The following FRMD4B variants were observed in gnomAD, a reference collection of about 807,000 sequenced individuals.
The protein encoded by FRMD4B is FERM domain-containing protein 4B.
Under a neutral mutation model 141.5 loss-of-function variants are expected in FRMD4B, and 74 were observed. The observed-to-expected ratio is 0.52, with a 90% CI of 0.43 to 0.63. FRMD4B has a LOEUF of 0.63. Among genes scored for constraint, FRMD4B ranks in the 30% least tolerant of loss-of-function variants. FRMD4B has a pLI of 0.00. For synonymous variants in FRMD4B, 506 were observed against 467.9 expected, an observed-to-expected ratio of 1.08 and a Z score of -1.05; for missense variants, 1,366 against 1,253.4, an observed-to-expected ratio of 1.09 and a Z score of -1.36.
intron 5 of FRMD4B, among the ~76,000 whole-genome samples, chr3:69,278,560 G>A (rs1317759532): frequency 1.3e-5 from 2 of 151,502 alleles, no homozygotes; most frequent in African/African-American, 4.8e-5. Context: ...GCCTCCCAAA[G>A]TGTTGCGATT....
At chr3:69,366,314 T>A (rs921669152) in intron 1 of FRMD4B, among the ~76,000 whole-genome samples, 8 of 151,892 alleles carry the variant, frequency 5.3e-5, no homozygotes, top group African/African-American at 1.9e-4. Context: ...TTAATGTCCA[T>A]CAATAGGAGA....
At chr3:69,385,629 C>T (rs1485981747) in intron 1 of FRMD4B, among the ~76,000 whole-genome samples, 199 bp downstream of exon 1, 1 of 152,178 alleles carries the variant, frequency 6.6e-6, no homozygotes, top group Non-Finnish European at 1.5e-5. Flanking sequence ...GCAAGTGCCC[C>T]CCATGCCCGA....
Position 69,266,048 on chromosome 3 carries a change from T to G in FRMD4B, c.502-15949A>C, listed in dbSNP as rs115908234. Among the ~76,000 whole-genome samples the G allele has an allele frequency of 8.1e-3, 1,223 of 151,640 alleles. 12 individuals are homozygous for G. The highest frequency in any genetic ancestry group is 0.027 in the African/African-American group (1,131 of 41,322). On this transcript the variant is annotated intron_variant, in intron 5 of 22. Coordinates refer to ENST00000398540, the MANE Select transcript of FRMD4B (RefSeq NM_015123.3). ...CCTCTTGCTACAAAAAAAAAAAACT[T>G]TAAATTATCCAGATGTGATGGCATG...
intron 1 of FRMD4B, among the ~76,000 whole-genome samples, chr3:69,438,042 ATAC>A (rs1263896988): frequency 2.8e-5 from 4 of 145,080 alleles, no homozygotes; most frequent in Non-Finnish European, 4.5e-5. Context: ...GTAACTATAT[ATAC>A]TACTATATGA....
In FRMD4B at chr3:69,265,270, ATATATAT is replaced by A. The variant is rs1261277966; in HGVS notation, c.502-15178_502-15172del. Reference sequence around the variant, plus strand: ...ACTCCATCTCAAAAAAAAAAAAAAAATATATATATATATATATATATATATATATATA... The same window carrying A: ...ACTCCATCTCAAAAAAAAAAAAAAAAATATATATATATATATATATATATA... On this transcript the variant is annotated intron_variant, in intron 5 of 22. Coordinates refer to ENST00000398540, the MANE Select transcript of FRMD4B (RefSeq NM_015123.3). 1.2e-3 allele frequency among the ~76,000 whole-genome samples: 24 copies of A among 20,230 alleles called. 2 individuals carry two copies. Among genetic ancestry groups the A allele is most frequent in the African/African-American group, 1.9e-3 (10 of 5,182 alleles). 13.3% of individuals were successfully genotyped at this position (20,230 alleles called of 152,430 possible).
chr3:69,263,910 C>G (rs1361637059), intron 5 of FRMD4B, among the ~76,000 whole-genome samples: 1 of 143,950 alleles, frequency 6.9e-6, no homozygotes. Flanking sequence ...GCTGCAACCT[C>G]TGCCTCCTAG....
chr3:69,308,950 A>C (rs1366111919), intron 3 of FRMD4B, among the ~76,000 whole-genome samples: 1 of 152,070 alleles, frequency 6.6e-6, no homozygotes, highest in Non-Finnish European at 1.5e-5. Context: ...TATGTTCTTC[A>C]ATGCACTTAT....
At chr3:69,332,712 G>A (rs1375599463) in intron 1 of FRMD4B, among the ~76,000 whole-genome samples, 4 of 150,540 alleles carry the variant, frequency 2.7e-5, no homozygotes, top group African/African-American at 7.4e-5. Context: ...GAGTAGCTAG[G>A]ACTACAGGTG....
intron 1 of FRMD4B, among the ~76,000 whole-genome samples, chr3:69,357,546 T>C (rs1263093688): frequency 6.6e-5 from 10 of 152,220 alleles, no homozygotes; most frequent in Admixed American, 2.6e-4. Flanking sequence ...GAGGGTTTTA[T>C]TGACTGTGAG....
At chr3:69,325,085 A>AAAGAAAGAAAGAAAGAAAGAAAGGAAG (rs10667404) in intron 1 of FRMD4B, among the ~76,000 whole-genome samples, 1 of 79,996 alleles carries the variant, frequency 1.3e-5, no homozygotes, top group African/African-American at 4.7e-5. Context: ...TAAAAAAAAA[A>AAAGAAAGAAAGAAAGAAAGAAAGGAAG]AAAGAAAGAA....
chr3:69,485,771 C>T (rs1706204787), intron 1 of FRMD4B, among the ~76,000 whole-genome samples: 1 of 152,216 alleles, frequency 6.6e-6, no homozygotes, highest in South Asian at 2.1e-4. Context: ...CAGAGCTCCC[C>T]TTCACCTGGT....
At chr3:69,318,782 A>T (rs2107268721) in intron 1 of FRMD4B, among the ~76,000 whole-genome samples, 1 of 152,362 alleles carries the variant, frequency 6.6e-6, no homozygotes, top group African/African-American at 2.4e-5. Context: ...CCACATAATT[A>T]AAAAATCCAG....
intron 1 of FRMD4B, among the ~76,000 whole-genome samples, chr3:69,346,180 T>A (rs1431454442): frequency 6.6e-6 from 1 of 152,006 alleles, no homozygotes; most frequent in Non-Finnish European, 1.5e-5. Context: ...AAATACATGA[T>A]GAATGCACAA....
chr3:69,194,286 T>C (rs950876653), intron 16 of FRMD4B, among the ~76,000 whole-genome samples: 1 of 152,224 alleles, frequency 6.6e-6, no homozygotes, highest in African/African-American at 2.4e-5. Context: ...CATCTTTCAA[T>C]GCTTCAGTTT....
intron 4 of FRMD4B, among the ~76,000 whole-genome samples, chr3:69,292,336 C>T (rs747919266): frequency 2.6e-5 from 4 of 152,116 alleles, no homozygotes; most frequent in Admixed American, 6.5e-5. Flanking sequence ...GGCACTCAGG[C>T]GGATAGCATA....
chr3:69,272,242 A>G (rs542995523), intron 5 of FRMD4B, among the ~76,000 whole-genome samples: 41 of 152,248 alleles, frequency 2.7e-4, no homozygotes, highest in Middle Eastern at 3.4e-3. Context: ...CCTGGGTTCA[A>G]GTGATTCTCC....
At chr3:69,503,674 T>G in intron 1 of FRMD4B, among the ~76,000 whole-genome samples, 1 of 152,176 alleles carries the variant, frequency 6.6e-6, no homozygotes, top group Non-Finnish European at 1.5e-5. Context: ...CCCTAGAACT[T>G]AAAGTATAAT....
At chr3:69,421,069 C>T (rs1372493688) in intron 2 of FRMD4B, among the ~76,000 whole-genome samples, 2 of 152,182 alleles carry the variant, frequency 1.3e-5, no homozygotes, top group Non-Finnish European at 2.9e-5. Flanking sequence ...GAGACCTCAC[C>T]CACCCAGTGT....
chr3:69,455,377 G>GT (rs1033788527), intron 1 of FRMD4B, among the ~76,000 whole-genome samples: 31 of 152,348 alleles, frequency 2.0e-4, no homozygotes, highest in African/African-American at 7.5e-4. Flanking sequence ...TTTATGAGCT[G>GT]TAACACTCAC....
Sources: allele counts gnomAD v4.1 joint callset (sites outside exome capture counted in the v4.1 genomes callset), GRCh38; gene constraint gnomAD v4.1.1; transcripts MANE v1.5; gene names NCBI Gene and HGNC (gene_info 2026-07-23, HGNC 2026-07-21).